The following GPRC5B variants were observed in gnomAD, a reference collection of about 807,000 sequenced individuals.
GPRC5B encodes G protein-coupled receptor family C group 5 member B.
A neutral mutation model predicts 30.1 loss-of-function variants in GPRC5B; 16 were observed. The ratio of observed to expected loss-of-function variants is 0.53; its 90% CI spans 0.36 to 0.81. The LOEUF is 0.81. Ranked by LOEUF, GPRC5B falls within the 30% of genes least tolerant of loss-of-function variation. GPRC5B has a pLI of 0.01. For missense variants in GPRC5B, 428 were observed against 544.7 expected, an observed-to-expected ratio of 0.79 and a Z score of 2.13; for synonymous variants, 241 against 239.5, an observed-to-expected ratio of 1.01 and a Z score of -0.06.
At chr16:19,866,628 C>T (rs1250374699) in intron 2 of GPRC5B, among the ~76,000 whole-genome samples, 2 of 152,168 alleles carry the variant, frequency 1.3e-5, no homozygotes, top group Non-Finnish European at 1.5e-5. Flanking sequence ...AATCTGCCCG[C>T]CTCGGCCTCC....
chr16:19,861,087 T>TAAAAAAAAAAAAAAAAAA lies in GPRC5B; in HGVS notation c.1168-544_1168-543insTTTTTTTTTTTTTTTTTT, dbSNP rs3067833. 1.1e-3 allele frequency among the ~76,000 whole-genome samples: 103 copies of TAAAAAAAAAAAAAAAAAA among 93,342 alleles called. 4 individuals carry two copies. The highest frequency in any genetic ancestry group is 4.7e-3 in the African/African-American group (97 of 20,454). The allele number at this position is 93,342 out of a possible 152,430, so 61.2% of individuals were successfully genotyped here. A position where few individuals can be genotyped will look rare whatever the true frequency, so the allele number is the denominator to read the frequency against. On this transcript the variant is annotated intron_variant, in intron 3 of 3. Coordinates refer to ENST00000300571, the MANE Select transcript of GPRC5B (RefSeq NM_016235.3). ...GATCAAAGACCATCCCTGATTTACATAAAAAAAAAAAAAAAAAGAAGAATG... is the reference window on the plus strand; with the variant it reads ...GATCAAAGACCATCCCTGATTTACATAAAAAAAAAAAAAAAAAAAAAAAAAAAAAAAAAAAGAAGAATG...
Position 19,872,384 on chromosome 16 carries a change from G to A in GPRC5B, c.462C>T (p.Gly154=), listed in dbSNP as rs1567210014. ...CCAGCTGCCAGCCCGCGGGGCCCGT[G>A]CCATGCCGCACCAGCCTCCGCACGC... ...AWRVRRLVRH[G]TGPAGWQLVG... is the part of the protein sequence containing the mutation. The change falls in exon 2 of 4, where the codon GGC becomes GGT. Residue 154 remains glycine, a synonymous_variant. Coordinates refer to ENST00000300571, the MANE Select transcript of GPRC5B (RefSeq NM_016235.3). The surrounding 1 kb of genome is among the most constrained non-coding windows in gnomAD (Gnocchi z 5.0). The A allele has an allele frequency of 2.5e-6, 4 of 1,613,438 alleles. No individual in the cohort carries two copies. The highest frequency in any genetic ancestry group is 3.4e-6 in the Non-Finnish European group (4 of 1,179,714).
intron 1 of GPRC5B, among the ~76,000 whole-genome samples, chr16:19,884,086 C>A (rs1055053044): frequency 4.7e-4 from 70 of 147,552 alleles, no homozygotes; most frequent in Non-Finnish European, 7.2e-4. Context: ...CGCCACTGCC[C>A]CCCCCGCCAT....
rs931753427 is a variant in GPRC5B, at chr16:19,857,374, C to T, written c.*3126G>A. On this transcript the variant is annotated 3_prime_UTR_variant, in exon 4 of 4. Transcript: ENST00000300571. ...AACCTATCTGCCCATGGTTTACAGC[C>T]TTTTAAATTTGTAATATTTATATAG... 1.2e-5 allele frequency: 5 copies of T among 415,842 alleles called. No homozygotes were observed. Among genetic ancestry groups the T allele is most frequent in the Non-Finnish European group, 1.8e-5 (4 of 216,376 alleles). The allele number at this position is 415,842 out of a possible 1,614,324, so 25.8% of individuals were successfully genotyped here.
At chr16:19,883,291 C>T (rs1157792784) in intron 1 of GPRC5B, among the ~76,000 whole-genome samples, 1 of 152,154 alleles carries the variant, frequency 6.6e-6, no homozygotes, top group East Asian at 1.9e-4. Context: ...CTCCTTCCTC[C>T]TGGAATCTCC....
rs550383354 is a variant in GPRC5B at position 19,857,635 on chromosome 16, A to G, written c.*2865T>C. 5.8e-4 allele frequency: 165 copies of G among 286,384 alleles called. 1 individual carries two copies. The highest frequency in any genetic ancestry group is 9.8e-4 in the Non-Finnish European group (148 of 151,754). The allele number at this position is 286,384 out of a possible 1,614,324, so 17.7% of individuals were successfully genotyped here. A position where few individuals can be genotyped will look rare whatever the true frequency, so the allele number is the denominator to read the frequency against. ...GCATCATTGGATTATAAAAGCCACA[A>G]TGCTCCCTTTCAACTTGGGGTTTGG... On this transcript the variant is annotated 3_prime_UTR_variant, in exon 4 of 4. Coordinates refer to ENST00000300571, the MANE Select transcript of GPRC5B (RefSeq NM_016235.3).
At position 19,883,767 on chromosome 16, in the gene GPRC5B, C is replaced by G. The variant is rs141488348; in HGVS notation, c.-2+960G>C. 1.4e-3 allele frequency among the ~76,000 whole-genome samples: 208 copies of G among 152,376 alleles called. 2 individuals are homozygous for G. The highest frequency in any genetic ancestry group is 0.014 in the Middle Eastern group (4 of 294). On this transcript the variant is annotated intron_variant, in intron 1 of 3. Transcript: ENST00000300571. ...GCGAACGGGGGACGGAAAGGGAGGA[C>G]TGGCTAGGCCTGGGTGTGACAGAGC...
chr16:19,880,397 TG>T (rs1439298241), intron 1 of GPRC5B, among the ~76,000 whole-genome samples: 2 of 133,338 alleles, frequency 1.5e-5, no homozygotes, highest in Non-Finnish European at 3.3e-5. Flanking sequence ...AAGACCAGCC[TG>T]GGCAACATAG....
In GPRC5B at chr16:19,857,498, C is replaced by G. The variant is rs2056576634; in HGVS notation, c.*3002G>C. On this transcript the variant is annotated 3_prime_UTR_variant, in exon 4 of 4. Coordinates refer to ENST00000300571, the MANE Select transcript of GPRC5B (RefSeq NM_016235.3). Reference sequence around the variant, plus strand: ...GGGAAGATAAAGGTACATTATAAAACACACATTAATGCATTTAATAAATAT... The same window carrying G: ...GGGAAGATAAAGGTACATTATAAAAGACACATTAATGCATTTAATAAATAT... The G allele has an allele frequency of 2.3e-6, 1 of 428,228 alleles. No individual in the cohort carries two copies. Among genetic ancestry groups the G allele is most frequent in the Non-Finnish European group, 4.5e-6 (1 of 219,818 alleles). The allele number at this position is 428,228 out of a possible 1,614,324, so 26.5% of individuals were successfully genotyped here. A position where few individuals can be genotyped will look rare whatever the true frequency, so the allele number is the denominator to read the frequency against.
At chr16:19,866,206 C>T (rs926962793) in intron 2 of GPRC5B, among the ~76,000 whole-genome samples, 8 of 151,800 alleles carry the variant, frequency 5.3e-5, no homozygotes, top group African/African-American at 1.9e-4. Context: ...GGACTGTGCC[C>T]GGCCAAGCAC....
At chr16:19,879,446 C>T (rs2056786232) in intron 1 of GPRC5B, among the ~76,000 whole-genome samples, 1 of 152,128 alleles carries the variant, frequency 6.6e-6, no homozygotes, top group Non-Finnish European at 1.5e-5. Flanking sequence ...CACACAGACA[C>T]ACACACACGC....
At chr16:19,874,248 C>T (rs1597631190) in intron 1 of GPRC5B, among the ~76,000 whole-genome samples, 1 of 152,272 alleles carries the variant, frequency 6.6e-6, no homozygotes, top group Non-Finnish European at 1.5e-5. Context: ...GGAGTCCACA[C>T]AGCAGCCTCA....
chr16:19,884,829 G>A lies in GPRC5B; in HGVS notation c.-104C>T, dbSNP rs1334556853. 1.0e-6 allele frequency: 1 copy of A among 983,708 alleles called. No homozygotes were observed. Among genetic ancestry groups the A allele is most frequent in the Non-Finnish European group, 1.2e-6 (1 of 829,406 alleles). The allele number at this position is 983,708 out of a possible 1,614,324, so 60.9% of individuals were successfully genotyped here. A position where few individuals can be genotyped will look rare whatever the true frequency, so the allele number is the denominator to read the frequency against. On this transcript the variant is annotated 5_prime_UTR_variant, in exon 1 of 4. Transcript: ENST00000300571. ...CCCCGCTCCACGCACGCCCGCCTGC[G>A]GGTCCAGCTTCACTGCAGCGCCTGC...
rs1300285730 is a variant in GPRC5B, at chr16:19,859,925, C to A, written c.*575G>T. 6.5e-6 allele frequency: 1 copy of A among 153,184 alleles called. No homozygotes were observed. Among genetic ancestry groups the A allele is most frequent in the African/African-American group, 2.4e-5 (1 of 41,462 alleles). 9.5% of individuals were successfully genotyped at this position (153,184 alleles called of 1,614,324 possible). ...ACCTCTACTGGCTATAAAGCTCACC[C>A]CACGATTCAGTTGGGCCTCACCTTG... On this transcript the variant is annotated 3_prime_UTR_variant, in exon 4 of 4. Coordinates refer to ENST00000300571, the MANE Select transcript of GPRC5B (RefSeq NM_016235.3).
At position 19,856,714 on chromosome 16, in the gene GPRC5B, C is replaced by T; in HGVS notation, c.*3786G>A. 1.7e-6 allele frequency: 1 copy of T among 595,366 alleles called. No individual in the cohort carries two copies. The highest frequency in any genetic ancestry group is 2.9e-6 in the Non-Finnish European group (1 of 340,398). The allele number at this position is 595,366 out of a possible 1,614,324, so 36.9% of individuals were successfully genotyped here. A position where few individuals can be genotyped will look rare whatever the true frequency, so the allele number is the denominator to read the frequency against. ...GATTCATTGCAAACAAGCTTTAATGCAAATAGTTTAGAAAAGAAAGGACCA... is the reference window on the plus strand; with the variant it reads ...GATTCATTGCAAACAAGCTTTAATGTAAATAGTTTAGAAAAGAAAGGACCA... On this transcript the variant is annotated 3_prime_UTR_variant, in exon 4 of 4. Transcript: ENST00000300571.
chr16:19,885,252 C>T (rs118036357), upstream of GPRC5B: 14,426 of 1,287,978 alleles, frequency 0.011, 104 homozygotes, highest in Non-Finnish European at 0.014. This position sits in a 1 kb window ranked among gnomAD's most constrained non-coding sequence, Gnocchi z 5.3. Context: ...CCTTCCTGCC[C>T]CCAGGCCACG....
Position 19,872,405 on chromosome 16 carries a change from C to T in GPRC5B, c.441G>A (p.Val147=), listed in dbSNP as rs144077751. Residue 147 remains valine (V), a synonymous_variant, in exon 2 of 4, where the codon GTG becomes GTA. Coordinates refer to ENST00000300571, the MANE Select transcript of GPRC5B (RefSeq NM_016235.3). The surrounding 1 kb of genome is among the most constrained non-coding windows in gnomAD (Gnocchi z 5.0). ...CCGTGCCATGCCGCACCAGCCTCCG[C>T]ACGCGCCATGCCTGGCTCAGCAGGC... ...FSCLLSQAWR[V]RRLVRHGTGP... 17 of 1,613,460 alleles carry T rather than the reference C, an allele frequency of 1.1e-5. No homozygotes were observed. The highest frequency in any genetic ancestry group is 4.0e-5 in the African/African-American group (3 of 74,936).
In GPRC5B at chr16:19,871,855, T is replaced by C. The variant is rs747902479; in HGVS notation, c.991A>G (p.Met331Val). Residue 331 changes from methionine (M) to valine (V), a missense_variant, in exon 2 of 4, where the codon ATG (methionine) becomes GTG (valine). Physicochemically the swap from Met to Val is conservative, Grantham distance 21 (BLOSUM62 1). This residue lies in a region of GPRC5B where 213 missense variants were observed against 229.1 expected (regional missense o/e 0.93). Transcript: ENST00000300571. Reference protein sequence around the residue: ...EEDVQLPRAYMENKAFSMDEH... With the variant: ...EEDVQLPRAYVENKAFSMDEH... ...TCCATGGAGAAGGCCTTGTTCTCCA[T>C]ATAGGCCCGCGGCAGCTGCACGTCC... is the stretch of plus-strand genomic sequence containing the variant. 18 of 1,613,876 alleles carry C rather than the reference T, an allele frequency of 1.1e-5. No homozygotes were observed. Among genetic ancestry groups the C allele is most frequent in the Non-Finnish European group, 1.5e-5 (18 of 1,180,020 alleles).
rs972042464 is a variant in GPRC5B, at chr16:19,876,373, G to A, written c.-1-3527C>T. ...GAGAAAGGATTATCCAGCCCTACAG[G>A]TCAACTGTGCCAAGGTGGAGCAAGC... On this transcript the variant is annotated intron_variant, in intron 1 of 3. Transcript: ENST00000300571. Among the ~76,000 whole-genome samples the A allele has an allele frequency of 1.2e-4, 18 of 152,202 alleles. No homozygotes were observed. In the South Asian group the frequency reaches 1.9e-3, roughly 16 times the overall value.
Sources: allele counts gnomAD v4.1 joint callset (sites outside exome capture counted in the v4.1 genomes callset), GRCh38; gene constraint gnomAD v4.1.1; regional missense constraint gnomAD v4.1.1; non-coding constraint Gnocchi (gnomAD v3.1); transcripts MANE v1.5; gene names NCBI Gene and HGNC (gene_info 2026-07-23, HGNC 2026-07-21).